PTPRD: variants seen among roughly 807,000 people sequenced by gnomAD.
PTPRD encodes protein tyrosine phosphatase receptor type D.
PTPRD carries 34 observed loss-of-function variants against 214.5 expected under a neutral mutation model. The observed-to-expected ratio is 0.16, with a 90% CI of 0.12 to 0.21. The LOEUF is 0.21. Among genes scored for constraint, PTPRD ranks in the 10% least tolerant of loss-of-function variants. PTPRD has a pLI of 1.00. For synonymous variants in PTPRD, 1,128 were observed against 845.7 expected (o/e 1.33, Z -5.79); for missense variants, 2,545 against 2,398.7 (o/e 1.06, Z -1.27).
Position 8,397,520 on chromosome 9 carries a change from C to CA in PTPRD, c.4210+7016dup, listed in dbSNP as rs201383165. ...CCAGTTACCAGATATGCCCCTTGCC[C>CA]AAAAAAAGAAAAGAAAAAGATATTT... On this transcript the variant is annotated intron_variant, in intron 36 of 45. Coordinates refer to ENST00000381196, the MANE Select transcript of PTPRD (RefSeq NM_002839.4). Among the ~76,000 whole-genome samples, 198 of 151,596 alleles carry CA rather than the reference C, an allele frequency of 1.3e-3. 4 individuals are homozygous for CA. The East Asian group carries it at 0.034, about 26-fold the overall frequency.
chr9:10,385,552 T>C (rs2097899975), intron 2 of PTPRD, among the ~76,000 whole-genome samples: 1 of 151,830 alleles, frequency 6.6e-6, no homozygotes, highest in Non-Finnish European at 1.5e-5. Flanking sequence ...ATATTCTCTT[T>C]CCTGAAAATG....
intron 12 of PTPRD, among the ~76,000 whole-genome samples, chr9:8,666,153 T>A (rs1049549864): frequency 6.6e-6 from 1 of 152,138 alleles, no homozygotes. Context: ...AAGGCCCAGG[T>A]TGAAAAATCC....
chr9:10,012,550 T>C (rs1345029973), intron 4 of PTPRD, among the ~76,000 whole-genome samples: 1 of 151,918 alleles, frequency 6.6e-6, no homozygotes, highest in Non-Finnish European at 1.5e-5. Context: ...TCACATACAT[T>C]AGATTACTAA....
chr9:8,337,835 T>C (rs1347957808), intron 43 of PTPRD, among the ~76,000 whole-genome samples: 1 of 152,028 alleles, frequency 6.6e-6, no homozygotes, highest in Non-Finnish European at 1.5e-5. Flanking sequence ...CTTTCTATTT[T>C]CACTCACATA....
rs140989080 is a variant in PTPRD, at chr9:9,871,333, G to C, written c.-368+67174C>G. On this transcript the variant is annotated intron_variant, in intron 5 of 45. Transcript: ENST00000381196. Reference sequence around the variant, plus strand: ...GACAATTGCACAAGAGAAATCCATTGACACAAAATCCTTCTGAGAAGTTTA... The same window carrying C: ...GACAATTGCACAAGAGAAATCCATTCACACAAAATCCTTCTGAGAAGTTTA... Among the ~76,000 whole-genome samples, 360 of 152,256 alleles carry C rather than the reference G, an allele frequency of 2.4e-3. 1 individual carries two copies. The highest frequency in any genetic ancestry group is 8.3e-3 in the African/African-American group (345 of 41,564).
chr9:10,532,764 G>C (rs950451264), intron 2 of PTPRD, among the ~76,000 whole-genome samples: 12 of 151,442 alleles, frequency 7.9e-5, no homozygotes, highest in African/African-American at 2.4e-4. Context: ...TTTTTGCTTT[G>C]TGTGTAAGGA....
Position 9,015,745 on chromosome 9 carries a change from T to C in PTPRD, c.-104+2952A>G, listed in dbSNP as rs1589831404. Among the ~76,000 whole-genome samples, 9 of 152,164 alleles carry C rather than the reference T, an allele frequency of 5.9e-5. No individual in the cohort carries two copies. The South Asian group carries it at 1.9e-3, about 31-fold the overall frequency. ...TTCATTTCTTTCTAATGACTTACTTTTTCTTAAAGAAGATGAAGAGAATGG... is the reference window on the plus strand; with the variant it reads ...TTCATTTCTTTCTAATGACTTACTTCTTCTTAAAGAAGATGAAGAGAATGG... On this transcript the variant is annotated intron_variant, in intron 11 of 45. Coordinates refer to ENST00000381196, the MANE Select transcript of PTPRD (RefSeq NM_002839.4).
intron 32 of PTPRD, among the ~76,000 whole-genome samples, chr9:8,463,291 A>G (rs1410885225): frequency 3.7e-5 from 5 of 136,692 alleles, no homozygotes; most frequent in Non-Finnish European, 7.7e-5. Context: ...TATATGTCCA[A>G]GCTTCTCAGA....
At chr9:9,032,447 C>G (rs1316411699) in intron 10 of PTPRD, among the ~76,000 whole-genome samples, 1 of 151,834 alleles carries the variant, frequency 6.6e-6, no homozygotes, top group Non-Finnish European at 1.5e-5. Context: ...TTTTAATAAG[C>G]TGAAATGGAT....
At chr9:9,221,562 T>C (rs1199828424) in intron 9 of PTPRD, among the ~76,000 whole-genome samples, 1 of 151,980 alleles carries the variant, frequency 6.6e-6, no homozygotes, top group East Asian at 1.9e-4. Context: ...GCAGACAGTA[T>C]CCTCTCCTTG....
At chr9:8,841,117 C>G (rs1442988775) in intron 11 of PTPRD, among the ~76,000 whole-genome samples, 1 of 152,118 alleles carries the variant, frequency 6.6e-6, no homozygotes, top group African/African-American at 2.4e-5. Flanking sequence ...CATTACAACT[C>G]CTGCCCTATC....
chr9:8,617,851 A>G (rs375035208), intron 14 of PTPRD, among the ~76,000 whole-genome samples: 1 of 152,256 alleles, frequency 6.6e-6, no homozygotes, highest in South Asian at 2.1e-4. Context: ...CACATCTGAT[A>G]CGGCAATTTC....
chr9:9,035,807 GA>G (rs2099619928), intron 10 of PTPRD, among the ~76,000 whole-genome samples: 1 of 151,848 alleles, frequency 6.6e-6, no homozygotes, highest in South Asian at 2.1e-4. Context: ...TAATGCACAT[GA>G]CAGTCTGGTT....
At chr9:8,524,335 T>C (rs777962150) in intron 18 of PTPRD, among the ~76,000 whole-genome samples, 8 of 152,350 alleles carry the variant, frequency 5.3e-5, no homozygotes, top group Non-Finnish European at 1.0e-4. Context: ...CAAAAAGGTG[T>C]ACATATGTGC....
At chr9:10,457,091 T>C (rs575874122) in intron 2 of PTPRD, among the ~76,000 whole-genome samples, 1 of 152,124 alleles carries the variant, frequency 6.6e-6, no homozygotes, top group Non-Finnish European at 1.5e-5. Flanking sequence ...ACTTTTTTCT[T>C]TTTTATTGAG....
intron 12 of PTPRD, among the ~76,000 whole-genome samples, chr9:8,724,536 T>C (rs2098537192): frequency 6.6e-6 from 1 of 152,178 alleles, no homozygotes; most frequent in African/African-American, 2.4e-5. Context: ...GTTGTAAATG[T>C]CTTCCTATAG....
At chr9:9,530,216 T>A (rs543654091) in intron 8 of PTPRD, among the ~76,000 whole-genome samples, 4 of 152,082 alleles carry the variant, frequency 2.6e-5, no homozygotes, top group Non-Finnish European at 5.9e-5. Context: ...AAACACAAAG[T>A]TGGTCTCTGA....
At chr9:10,506,701 T>A (rs946490077) in intron 2 of PTPRD, among the ~76,000 whole-genome samples, 64 of 152,160 alleles carry the variant, frequency 4.2e-4, no homozygotes, top group African/African-American at 1.4e-3. Context: ...GGAGCCACAG[T>A]TTCCTGCAAT....
chr9:9,648,358 T>C (rs1047071097), intron 7 of PTPRD, among the ~76,000 whole-genome samples: 7 of 152,190 alleles, frequency 4.6e-5, no homozygotes, highest in Non-Finnish European at 7.4e-5. Flanking sequence ...TCTAGGGTAA[T>C]CTGATACAGT....
Sources: allele counts gnomAD v4.1 joint callset (sites outside exome capture counted in the v4.1 genomes callset), GRCh38; gene constraint gnomAD v4.1.1; transcripts MANE v1.5; gene names NCBI Gene and HGNC (gene_info 2026-07-23, HGNC 2026-07-21).